Variants in ZNF25 observed in about 807,000 individuals in gnomAD.
ZNF25 encodes zinc finger protein 25.
In ZNF25, 21 loss-of-function variants were observed where a neutral mutation model predicts 30.9. That is an observed-to-expected ratio of 0.68 (90% CI 0.48 to 0.98). The LOEUF is 0.98. Ranked by LOEUF, ZNF25 falls within the 50% of genes least tolerant of loss-of-function variation. The pLI, the probability that ZNF25 is intolerant of heterozygous loss-of-function variation, is 0.00. For missense variants in ZNF25, 501 were observed against 529.9 expected, an observed-to-expected ratio of 0.95 and a Z score of 0.54; for synonymous variants, 169 against 181.3, an observed-to-expected ratio of 0.93 and a Z score of 0.55.
chr10:37,959,800 C>T (rs538879376), intron 2 of ZNF25, among the ~76,000 whole-genome samples: 3 of 150,808 alleles, frequency 2.0e-5, no homozygotes, highest in Non-Finnish European at 3.0e-5. Flanking sequence ...AGTAGAGATG[C>T]GGTTTCAGCA....
At chr10:37,963,106 CTATT>C (rs201115060) in intron 2 of ZNF25, among the ~76,000 whole-genome samples, 5 of 141,392 alleles carry the variant, frequency 3.5e-5, no homozygotes, top group African/African-American at 1.4e-4. Context: ...TTTTTCTTTT[CTATT>C]TATTTATTTA....
At chr10:37,960,099 T>C (rs1419373876) in intron 2 of ZNF25, among the ~76,000 whole-genome samples, 2 of 151,944 alleles carry the variant, frequency 1.3e-5, no homozygotes, top group African/African-American at 4.8e-5. Flanking sequence ...TAAACTAACA[T>C]TATTGTGTGG....
chr10:37,952,241 T>G lies in ZNF25; in HGVS notation c.1257A>C (p.Lys419Asn), dbSNP rs1232498035. 2 of 1,611,148 alleles carry G rather than the reference T, an allele frequency of 1.2e-6. No individual in the cohort carries two copies. Among genetic ancestry groups the G allele is most frequent in the Non-Finnish European group, 1.7e-6 (2 of 1,179,158 alleles). The change falls in exon 6 of 6, where the codon AAA becomes AAC. Residue 419 changes from lysine to asparagine, a missense_variant. Transcript: ENST00000302609. The stretch of plus-strand genomic sequence containing the variant: ...ACTCATAGGGCTTCTCCCCTGTGTG[T>G]TTTCTCTGATGTATAATAAAATGTG... ...QKSHFIIHQR[K>N]HTGEKPYECQ...
At chr10:37,971,630 A>AACACACACACACAC (rs4007126) in intron 2 of ZNF25, 78 bp downstream of exon 2, 58 of 1,389,688 alleles carry the variant, frequency 4.2e-5, no homozygotes, top group East Asian at 1.4e-4. Context: ...AAACTCATTA[A>AACACACACACACAC]ACACACACAC....
rs949147397 is a variant in ZNF25 at position 37,957,367 on chromosome 10, T to C, written c.142+53A>G. The C allele has an allele frequency of 1.3e-5, 21 of 1,581,846 alleles. No homozygotes were observed. In the African/African-American group the frequency reaches 2.7e-4, roughly 20 times the overall value. ...TAGGGACATTTTATACTCCAGTAAC[T>C]GAGAAGATAGATGCAAACTACTGGG... On this transcript the variant is annotated intron_variant, in intron 3 of 5. Coordinates refer to ENST00000302609, the MANE Select transcript of ZNF25 (RefSeq NM_145011.4).
At position 37,952,695 on chromosome 10, in the gene ZNF25, G is replaced by A. The variant is rs754048122; in HGVS notation, c.803C>T (p.Ser268Phe). 4.2e-5 allele frequency: 68 copies of A among 1,607,420 alleles called. 1 individual carries two copies. In the Admixed American group the frequency reaches 1.1e-3, roughly 27 times the overall value. ...ATGTACTGTGAGGTGTGACTTCTGG[G>A]AAAAGGCTTTCCCACACTCCTTACA... is the stretch of plus-strand genomic sequence containing the variant. ...YECKECGKAF[S>F]QKSHLTVHQR... Residue 268 changes from serine (S) to phenylalanine (F), a missense_variant, in exon 6 of 6, where the codon TCC becomes TTC. Transcript: ENST00000302609.
intron 2 of ZNF25, among the ~76,000 whole-genome samples, chr10:37,969,070 G>A (rs545769721): frequency 1.1e-3 from 172 of 152,088 alleles, no homozygotes; most frequent in African/African-American, 3.7e-3. Flanking sequence ...ATGCAAAACC[G>A]CAACAATACC....
chr10:37,965,294 T>C (rs920930294), intron 2 of ZNF25, among the ~76,000 whole-genome samples: 4 of 152,136 alleles, frequency 2.6e-5, no homozygotes, highest in African/African-American at 9.7e-5. Context: ...ACTGGGGTAC[T>C]GCCTAATGGA....
chr10:37,972,722 A>G (rs1384691082), intron 1 of ZNF25, among the ~76,000 whole-genome samples: 2 of 152,240 alleles, frequency 1.3e-5, no homozygotes, highest in Non-Finnish European at 2.9e-5. Flanking sequence ...GAAACCATGC[A>G]GGGCATCCAA....
rs144752614 is a variant in ZNF25 at position 37,950,980 on chromosome 10, T to G, written c.*1147A>C. 5.3e-5 allele frequency: 8 copies of G among 152,200 alleles called. No individual in the cohort carries two copies. The highest frequency in any genetic ancestry group is 3.9e-4 in the Admixed American group (6 of 15,270). The allele number at this position is 152,200 out of a possible 1,614,324, so 9.4% of individuals were successfully genotyped here. ...GCACTATTTGTTTTCATTGTGGAGA[T>G]TGTAATAAATACTACTGTTTTTAGC... On this transcript the variant is annotated 3_prime_UTR_variant, in exon 6 of 6. Coordinates refer to ENST00000302609, the MANE Select transcript of ZNF25 (RefSeq NM_145011.4).
intron 2 of ZNF25, among the ~76,000 whole-genome samples, chr10:37,964,454 A>G (rs1022056961): frequency 3.3e-5 from 5 of 152,190 alleles, no homozygotes; most frequent in Non-Finnish European, 7.3e-5. Flanking sequence ...TAAGCTGATG[A>G]GGTCTCAGAA....
At position 37,952,325 on chromosome 10, in the gene ZNF25, A is replaced by G. The variant is rs769025695; in HGVS notation, c.1173T>C (p.Thr391=). The change falls in exon 6 of 6, where the codon ACT becomes ACC. Residue 391 remains threonine, a synonymous_variant. Coordinates refer to ENST00000302609, the MANE Select transcript of ZNF25 (RefSeq NM_145011.4). ...ATGCATAGGGCTTCTCTCCTGTGTG[A>G]GTCCTTTGATGTAATCTGAGGACTG... ...VNSVLRLHQR[T]HTGEKPYACK... 5.0e-6 allele frequency: 8 copies of G among 1,611,320 alleles called. No homozygotes were observed. The highest frequency in any genetic ancestry group is 5.9e-6 in the Non-Finnish European group (7 of 1,179,184).
chr10:37,975,543 T>A (rs1017331171), intron 1 of ZNF25, among the ~76,000 whole-genome samples: 3 of 152,156 alleles, frequency 2.0e-5, no homozygotes, highest in Non-Finnish European at 4.4e-5. Flanking sequence ...TTTAAAAAAA[T>A]TTTTTGTCCC....
chr10:37,954,183 A>T (rs1278866053), intron 4 of ZNF25, among the ~76,000 whole-genome samples: 1 of 152,242 alleles, frequency 6.6e-6, no homozygotes, highest in African/African-American at 2.4e-5. Context: ...CATGGAAAAG[A>T]TTAAACTGAA....
intron 2 of ZNF25, among the ~76,000 whole-genome samples, chr10:37,959,620 T>C (rs2062733650): frequency 6.6e-6 from 1 of 152,140 alleles, no homozygotes; most frequent in Non-Finnish European, 1.5e-5. Flanking sequence ...TTTTTTCTTT[T>C]TTCTTTTGAG....
chr10:37,953,330 A>G, intron 5 of ZNF25, 135 bp from the exon 6 acceptor site: 1 of 798,702 alleles, frequency 1.3e-6, no homozygotes, highest in East Asian at 2.7e-5. Context: ...CTGGATCCAT[A>G]GGGTTTCTCC....
At chr10:37,957,247 G>A (rs954041411) in intron 3 of ZNF25, 132 bp from the exon 4 acceptor site, 143 of 1,237,150 alleles carry the variant, frequency 1.2e-4, no homozygotes, top group Middle Eastern at 6.4e-4. Context: ...TTCTTTCAGC[G>A]GGGAGAGAGG....
chr10:37,969,978 C>T (rs753800808), intron 2 of ZNF25, among the ~76,000 whole-genome samples: 3 of 152,062 alleles, frequency 2.0e-5, no homozygotes, highest in Non-Finnish European at 4.4e-5. Context: ...AAAACATCAC[C>T]AGAAATGACA....
At chr10:37,962,208 T>C (rs1446063587) in intron 2 of ZNF25, among the ~76,000 whole-genome samples, 36 of 147,638 alleles carry the variant, frequency 2.4e-4, no homozygotes, top group Admixed American at 2.3e-3. Flanking sequence ...GCCACTGCAC[T>C]CCAGCCTGGG....
Sources: allele counts gnomAD v4.1 joint callset (sites outside exome capture counted in the v4.1 genomes callset), GRCh38; gene constraint gnomAD v4.1.1; transcripts MANE v1.5; gene names NCBI Gene and HGNC (gene_info 2026-07-23, HGNC 2026-07-21).